Variants in ITGBL1 observed in about 807,000 individuals in gnomAD.
The protein encoded by ITGBL1 is integrin beta-like protein 1.
A neutral mutation model predicts 68.5 loss-of-function variants in ITGBL1; 51 were observed. The ratio of observed to expected loss-of-function variants is 0.74; its 90% CI spans 0.59 to 0.94. The LOEUF (loss-of-function observed/expected upper bound fraction) is 0.94, where lower values mean the gene tolerates loss of function less well. Among genes scored for constraint, ITGBL1 ranks in the 40% least tolerant of loss-of-function variants. ITGBL1 has a pLI of 0.00. For synonymous variants in ITGBL1, 209 were observed against 227.3 expected (o/e 0.92, Z 0.72); for missense variants, 649 against 647.4 (o/e 1.00, Z -0.03).
Position 101,692,669 on chromosome 13 carries a change from G to T in ITGBL1, c.1100G>T (p.Arg367Leu). ...YGKTCECDDR[R>L]CEDLDGVVCG... ...AAGACTTGTGAGTGTGATGATCGCC[G>T]CTGTGAAGACCTCGATGGTGTGGTC... Residue 367 changes from arginine (R) to leucine (L), a missense_variant, in exon 8 of 11, where the codon CGC becomes CTC. Transcript: ENST00000376180. 6.2e-7 allele frequency: 1 copy of T among 1,613,404 alleles called. No individual in the cohort carries two copies. Among genetic ancestry groups the T allele is most frequent in the East Asian group, 2.2e-5 (1 of 44,858 alleles).
At chr13:101,584,894 T>A (rs1266798970) in intron 6 of ITGBL1, among the ~76,000 whole-genome samples, 10 of 151,820 alleles carry the variant, frequency 6.6e-5, no homozygotes, top group Non-Finnish European at 1.5e-4. Context: ...TGCAGGAGGC[T>A]ATTGGATCAC....
intron 2 of ITGBL1, among the ~76,000 whole-genome samples, chr13:101,467,854 A>T (rs1276043600): frequency 6.6e-6 from 1 of 152,138 alleles, no homozygotes; most frequent in East Asian, 1.9e-4. Context: ...TTTATCTGGA[A>T]ACTTCCTAGG....
chr13:101,655,530 AAAG>A (rs747874945), intron 7 of ITGBL1, among the ~76,000 whole-genome samples: 9 of 152,248 alleles, frequency 5.9e-5, no homozygotes, highest in Non-Finnish European at 1.3e-4. Context: ...GTGTGAAAGA[AAAG>A]AAGTGTTGAA....
intron 7 of ITGBL1, among the ~76,000 whole-genome samples, chr13:101,630,165 A>G (rs1311239783): frequency 6.6e-6 from 1 of 152,172 alleles, no homozygotes; most frequent in Non-Finnish European, 1.5e-5. Context: ...TTTTGAAAGA[A>G]TTTTATTTGG....
At chr13:101,534,882 G>C (rs1177433113) in intron 2 of ITGBL1, among the ~76,000 whole-genome samples, 1 of 152,088 alleles carries the variant, frequency 6.6e-6, no homozygotes, top group South Asian at 2.1e-4. Context: ...AGGAGAGATT[G>C]TGAAATTAAC....
Position 101,675,851 on chromosome 13 carries a change from A to G in ITGBL1, c.1016-16734A>G, listed in dbSNP as rs536754474. ...TGTATCTCTTATGCTCCTTTCCCCA[A>G]TTCTTTTTCTTCCCTATCTAATCTG... On this transcript the variant is annotated intron_variant, in intron 7 of 10. Transcript: ENST00000376180. Among the ~76,000 whole-genome samples the G allele has an allele frequency of 2.0e-5, 3 of 152,090 alleles. No individual in the cohort carries two copies. In the Middle Eastern group the frequency reaches 0.01, roughly 517 times the overall value.
chr13:101,548,084 A>ATTT (rs61406997), intron 2 of ITGBL1, among the ~76,000 whole-genome samples: 1 of 5,802 alleles, frequency 1.7e-4, no homozygotes. Flanking sequence ...ACAGATAAAC[A>ATTT]TAAAACTTTT....
intron 7 of ITGBL1, among the ~76,000 whole-genome samples, chr13:101,671,426 G>GTTTTTTTTTTTGT (rs66501713): frequency 8.9e-6 from 1 of 112,640 alleles, no homozygotes; most frequent in African/African-American, 3.1e-5. Context: ...GTATACCTTT[G>GTTTTTTTTTTTGT]TTTTTTTTTT....
At chr13:101,467,621 G>A (rs1009203004) in intron 2 of ITGBL1, among the ~76,000 whole-genome samples, 1 of 152,058 alleles carries the variant, frequency 6.6e-6, no homozygotes, top group African/African-American at 2.4e-5. Context: ...CTTACTTAAG[G>A]CTGGGTAGAA....
chr13:101,665,784 GT>G (rs1206636556), intron 7 of ITGBL1, among the ~76,000 whole-genome samples: 1 of 152,046 alleles, frequency 6.6e-6, no homozygotes, highest in Non-Finnish European at 1.5e-5. Flanking sequence ...TGAAGGGAGG[GT>G]TCTTATGCAC....
chr13:101,585,693 G>T (rs2139295609), intron 6 of ITGBL1, among the ~76,000 whole-genome samples: 1 of 152,200 alleles, frequency 6.6e-6, no homozygotes, highest in East Asian at 1.9e-4. Flanking sequence ...GCCTCCCAAA[G>T]TGCTGGGATT....
chr13:101,668,920 G>T (rs1049785795), intron 7 of ITGBL1, among the ~76,000 whole-genome samples: 6 of 151,970 alleles, frequency 3.9e-5, no homozygotes, highest in African/African-American at 1.4e-4. Flanking sequence ...TTAAAAATTT[G>T]TTCTATGAGG....
intron 7 of ITGBL1, among the ~76,000 whole-genome samples, chr13:101,635,064 T>G (rs9300688): frequency 5.9e-5 from 9 of 152,042 alleles, no homozygotes; most frequent in African/African-American, 1.9e-4. Context: ...GCAGCTATGC[T>G]GGGAACATGT....
rs200427799 is a variant in ITGBL1 at position 101,605,649 on chromosome 13, C to T, written c.1015+7350C>T. Among the ~76,000 whole-genome samples, 920 of 150,508 alleles carry T rather than the reference C, an allele frequency of 6.1e-3. 11 individuals carry two copies. The highest frequency in any genetic ancestry group is 0.021 in the African/African-American group (854 of 41,114). On this transcript the variant is annotated intron_variant, in intron 7 of 10. Coordinates refer to ENST00000376180, the MANE Select transcript of ITGBL1 (RefSeq NM_004791.3). ...GTATGTAGACATGTATGTGTGTATGCGTATGCACGTATGTAGACATGTATG... is the reference window on the plus strand; with the variant it reads ...GTATGTAGACATGTATGTGTGTATGTGTATGCACGTATGTAGACATGTATG...
intron 2 of ITGBL1, among the ~76,000 whole-genome samples, chr13:101,514,455 A>AT (rs923027990): frequency 2.7e-5 from 4 of 145,784 alleles, no homozygotes; most frequent in Non-Finnish European, 2.9e-5. Flanking sequence ...AATTATTATT[A>AT]TTTTTTTTGG....
At chr13:101,670,578 T>A (rs1008588413) in intron 7 of ITGBL1, among the ~76,000 whole-genome samples, 1 of 152,228 alleles carries the variant, frequency 6.6e-6, no homozygotes, top group Non-Finnish European at 1.5e-5. Flanking sequence ...AGTGAATAAT[T>A]ATTATTTCAT....
chr13:101,527,440 A>T (rs1360577773), intron 2 of ITGBL1, among the ~76,000 whole-genome samples: 2 of 152,128 alleles, frequency 1.3e-5, no homozygotes, highest in Non-Finnish European at 2.9e-5. Context: ...ATGTATGGAT[A>T]TATCACTATT....
intron 8 of ITGBL1, among the ~76,000 whole-genome samples, chr13:101,696,343 G>A (rs1294793185): frequency 4.6e-5 from 7 of 152,174 alleles, no homozygotes. Context: ...GAGGGGCAGG[G>A]TAGGATCAAG....
chr13:101,485,558 A>C (rs1158323960), intron 2 of ITGBL1, among the ~76,000 whole-genome samples: 1 of 152,158 alleles, frequency 6.6e-6, no homozygotes, highest in Non-Finnish European at 1.5e-5. Flanking sequence ...TAATCTCAGC[A>C]CTTTGGGAGA....
Sources: gnomAD v4.1 joint callset for allele counts (sites outside exome capture counted in the v4.1 genomes callset) on GRCh38, gnomAD v4.1.1 for gene constraint, MANE v1.5 for transcripts, NCBI Gene and HGNC (gene_info 2026-07-23, HGNC 2026-07-21) for gene names.